VPS13A: variants seen among roughly 807,000 people sequenced by gnomAD.
The protein encoded by VPS13A is intermembrane lipid transfer protein VPS13A.
In VPS13A, 264 loss-of-function variants were observed where a neutral mutation model predicts 390.9. That is an observed-to-expected ratio of 0.68 (90% confidence interval 0.61 to 0.75). The LOEUF (loss-of-function observed/expected upper bound fraction) is 0.75, where lower values mean the gene tolerates loss of function less well. Ranked by LOEUF, VPS13A falls within the 30% of genes least tolerant of loss-of-function variation. The pLI, the probability that VPS13A is intolerant of heterozygous loss-of-function variation, is 0.00. For missense variants in VPS13A, 3,409 were observed against 3,733.9 expected, an observed-to-expected ratio of 0.91 and a Z score of 2.27; for synonymous variants, 1,231 against 1,227.1, an observed-to-expected ratio of 1.00 and a Z score of -0.07.
At position 77,282,205 on chromosome 9, in the gene VPS13A, T is replaced by A. The variant is rs148282411; in HGVS notation, c.3049T>A (p.Ser1017Thr). Residue 1017 changes from serine (S) to threonine (T), a missense_variant, in exon 29 of 72, where the codon TCA (serine) becomes ACA (threonine). Ser to Thr is a moderately conservative substitution (Grantham distance 58, BLOSUM62 1). Around this residue, in one of 5 missense-constraint regions of VPS13A, gnomAD observed 2,717 missense variants for 2,917.4 expected, o/e 0.93. Coordinates refer to ENST00000360280, the MANE Select transcript of VPS13A (RefSeq NM_033305.3). Reference protein sequence around the residue: ...INYLHNILPQSEEKSAPVSTT... With the variant: ...INYLHNILPQTEEKSAPVSTT... ...TTATCTTCATAATATCCTTCCGCAA[T>A]CAGAGGAAAAATCAGCCCCAGTGTC... 9.3e-6 allele frequency: 15 copies of A among 1,613,242 alleles called. No homozygotes were observed. In the African/African-American group the frequency reaches 1.9e-4, roughly 20 times the overall value.
At chr9:77,261,920 G>A (rs1444639640) in intron 23 of VPS13A, among the ~76,000 whole-genome samples, 1 of 152,156 alleles carries the variant, frequency 6.6e-6, no homozygotes, top group Non-Finnish European at 1.5e-5. Context: ...AACAGTGAAT[G>A]AATATCTTTC....
Position 77,220,319 on chromosome 9 carries a change from G to A in VPS13A, c.925G>A (p.Ala309Thr). The change falls in exon 12 of 72, where the codon GCA (alanine) becomes ACA (threonine). Residue 309 changes from alanine (A) to threonine (T), a missense_variant. This residue lies in a region of VPS13A where 2,717 missense variants were observed against 2,917.4 expected (regional missense o/e 0.93). Coordinates refer to ENST00000360280, the MANE Select transcript of VPS13A (RefSeq NM_033305.3). ...GCTTCTTGAATCAGTTGATATGATGGCACAAAATCTGCCATATAGGAAGTT... is the reference window on the plus strand; with the variant it reads ...GCTTCTTGAATCAGTTGATATGATGACACAAAATCTGCCATATAGGAAGTT... The part of the protein sequence containing the change: ...MELLESVDMM[A>T]QNLPYRKFKP... The A allele has an allele frequency of 6.2e-7, 1 of 1,612,072 alleles. No homozygotes were observed. The highest frequency in any genetic ancestry group is 8.5e-7 in the Non-Finnish European group (1 of 1,179,200).
chr9:77,281,838 TC>T, intron 27 of VPS13A, 28 bp from the exon 28 acceptor site: 2 of 1,496,326 alleles, frequency 1.3e-6, no homozygotes, highest in Non-Finnish European at 1.9e-6. Context: ...CCTAACGTGT[TC>T]TAACAGATTT....
At chr9:77,319,154 C>A (rs1478394898) in intron 41 of VPS13A, among the ~76,000 whole-genome samples, 12 of 148,026 alleles carry the variant, frequency 8.1e-5, no homozygotes, top group Non-Finnish European at 1.8e-4. Context: ...TGAGATCTTA[C>A]CACTGCACTC....
intron 68 of VPS13A, chr9:77,382,912 G>A (rs1833517416): frequency 1.0e-6 from 1 of 985,100 alleles, no homozygotes; most frequent in African/African-American, 1.7e-5. Flanking sequence ...TTATGCTGTA[G>A]GTAACTAGTA....
chr9:77,378,486 A>G (rs1833235580), intron 67 of VPS13A, among the ~76,000 whole-genome samples: 3 of 152,012 alleles, frequency 2.0e-5, no homozygotes, highest in African/African-American at 7.2e-5. Flanking sequence ...TTTCCCTTAT[A>G]TAGTATTTAT....
intron 71 of VPS13A, among the ~76,000 whole-genome samples, chr9:77,408,593 T>TAATA (rs1001302031): frequency 3.4e-4 from 52 of 152,328 alleles, no homozygotes; most frequent in Non-Finnish European, 1.0e-4. Context: ...ACTCCCACCC[T>TAATA]AATACTGTGC....
Position 77,177,788 on chromosome 9 carries a change from T to A in VPS13A, c.84T>A (p.Ser28=), listed in dbSNP as rs1468144614. The change falls in exon 1 of 72, where the codon TCT becomes TCA. Residue 28 remains serine, a synonymous_variant. Coordinates refer to ENST00000360280, the MANE Select transcript of VPS13A (RefSeq NM_033305.3). ...TGGACTTGGACACGTCCCAGCTCTC[T>A]CTGGGCATCTGGAAAGGTAAGGAGG... ...YVVDLDTSQL[S]LGIWKGAVAL... is the part of the protein sequence containing the mutation. 6.2e-7 allele frequency: 1 copy of A among 1,613,158 alleles called. No individual in the cohort carries two copies. The highest frequency in any genetic ancestry group is 2.2e-5 in the East Asian group (1 of 44,804).
At chr9:77,240,478 G>GTTT (rs11351060) in intron 19 of VPS13A, among the ~76,000 whole-genome samples, 1 of 126,064 alleles carries the variant, frequency 7.9e-6, no homozygotes, top group Non-Finnish European at 1.6e-5. Flanking sequence ...TTATGTTTTT[G>GTTT]TTTTTTTTTT....
intron 71 of VPS13A, among the ~76,000 whole-genome samples, chr9:77,413,315 G>A (rs1440485879): frequency 6.6e-6 from 1 of 152,184 alleles, no homozygotes; most frequent in Non-Finnish European, 1.5e-5. Context: ...AAAGTTGGAG[G>A]CATCACGCTA....
At chr9:77,321,422 C>A in intron 43 of VPS13A, 69 bp from the exon 44 acceptor site, 1 of 1,591,828 alleles carries the variant, frequency 6.3e-7, no homozygotes, top group East Asian at 2.2e-5. Flanking sequence ...TGTCATTTGT[C>A]CTTTACTGTT....
chr9:77,206,442 G>T (rs2131127397), intron 5 of VPS13A, among the ~76,000 whole-genome samples: 1 of 151,498 alleles, frequency 6.6e-6, no homozygotes, highest in Middle Eastern at 3.4e-3. Flanking sequence ...CTTTGCTTTT[G>T]TATTCCTTTT....
chr9:77,342,428 A>T (rs1830886946), intron 50 of VPS13A, among the ~76,000 whole-genome samples: 2 of 148,240 alleles, frequency 1.3e-5, no homozygotes, highest in Middle Eastern at 3.5e-3. Flanking sequence ...TTAAGTACTT[A>T]TGTGTGAATA....
At chr9:77,386,498 A>G (rs1022776254) in intron 68 of VPS13A, among the ~76,000 whole-genome samples, 2 of 35,076 alleles carry the variant, frequency 5.7e-5, no homozygotes, top group African/African-American at 2.0e-4. Flanking sequence ...AATTTATCGG[A>G]AAAAAAAAAA....
chr9:77,283,261 T>G, intron 29 of VPS13A, 94 bp from the exon 30 acceptor site: 1 of 749,640 alleles, frequency 1.3e-6, no homozygotes, highest in Admixed American at 2.2e-5. Context: ...CTGATATCAC[T>G]ATTTGTGGTG....
rs2131585205 is a variant in VPS13A at position 77,369,291 on chromosome 9, A to G, written c.8554-8A>G. ...CTGAATTGATTAATGTTCATATTTT[A>G]TTTTTAGGCCATTAAGCAGATGTAT... On this transcript the variant is annotated splice_polypyrimidine_tract_variant and splice_region_variant and intron_variant, in intron 62 of 71. Coordinates refer to ENST00000360280, the MANE Select transcript of VPS13A (RefSeq NM_033305.3). 1 of 1,579,480 alleles carries G rather than the reference A, an allele frequency of 6.3e-7. No homozygotes were observed. The highest frequency in any genetic ancestry group is 1.3e-5 in the African/African-American group (1 of 74,480).
chr9:77,206,835 C>A (rs963568215), intron 5 of VPS13A, among the ~76,000 whole-genome samples: 3 of 151,994 alleles, frequency 2.0e-5, no homozygotes, highest in African/African-American at 7.3e-5. Flanking sequence ...ACTTCACTGT[C>A]TCTGAAATGC....
intron 31 of VPS13A, 98 bp downstream of exon 31, chr9:77,283,748 A>G (rs1827175190): frequency 9.9e-7 from 1 of 1,008,310 alleles, no homozygotes; most frequent in Non-Finnish European, 1.5e-6. Flanking sequence ...AGAATTTAGT[A>G]GTATGGCTTA....
chr9:77,198,104 T>C (rs1825108398), intron 1 of VPS13A, among the ~76,000 whole-genome samples: 1 of 152,068 alleles, frequency 6.6e-6, no homozygotes, highest in Non-Finnish European at 1.5e-5. Context: ...CCACCTACAA[T>C]GCTGTGTTTT....
Sources: gnomAD v4.1 joint callset for allele counts (sites outside exome capture counted in the v4.1 genomes callset) on GRCh38, gnomAD v4.1.1 for gene constraint, gnomAD v4.1.1 regional missense constraint, MANE v1.5 for transcripts, NCBI Gene and HGNC (gene_info 2026-07-23, HGNC 2026-07-21) for gene names.